Variants in OPALIN observed in about 807,000 individuals in gnomAD.
OPALIN encodes transmembrane protein 10.
In OPALIN, 15 loss-of-function variants were observed where a neutral mutation model predicts 17.8. The ratio of observed to expected loss-of-function variants is 0.84; its 90% CI spans 0.56 to 1.29. The LOEUF is 1.29. Ranked by LOEUF, OPALIN falls within the 50% of genes most tolerant of loss-of-function variation. The pLI is 0.00. For missense variants in OPALIN, 170 were observed against 176.0 expected, an observed-to-expected ratio of 0.97 and a Z score of 0.19; for synonymous variants, 62 against 63.8, an observed-to-expected ratio of 0.97 and a Z score of 0.14.
At chr10:96,352,473 AAAG>A (rs1328833273) in intron 2 of OPALIN, among the ~76,000 whole-genome samples, 7 of 152,074 alleles carry the variant, frequency 4.6e-5, no homozygotes, top group Non-Finnish European at 1.0e-4. Context: ...GCTCCCATCA[AAAG>A]AAGGTTTTGA....
At chr10:96,353,528 T>C in intron 2 of OPALIN, 3 of 1,057,542 alleles carry the variant, frequency 2.8e-6, no homozygotes, top group Non-Finnish European at 4.5e-6. Context: ...GGTTGGTTGC[T>C]CTACACGGGA....
chr10:96,353,705 T>C (rs1273504074), intron 2 of OPALIN, among the ~76,000 whole-genome samples: 1 of 152,128 alleles, frequency 6.6e-6, no homozygotes, highest in African/African-American at 2.4e-5. Context: ...TGGGCCAAGA[T>C]AACACAGAAC....
intron 1 of OPALIN, among the ~76,000 whole-genome samples, chr10:96,355,987 C>G: frequency 6.6e-6 from 1 of 152,254 alleles, no homozygotes; most frequent in South Asian, 2.1e-4. Flanking sequence ...CCTTTCTCCT[C>G]CCTGTCCCTA....
chr10:96,353,641 C>T (rs536213041), intron 2 of OPALIN, among the ~76,000 whole-genome samples: 46 of 152,314 alleles, frequency 3.0e-4, no homozygotes, highest in African/African-American at 1.0e-3. Flanking sequence ...CCACCCCATT[C>T]ACCCCCACTC....
intron 5 of OPALIN, among the ~76,000 whole-genome samples, chr10:96,347,241 C>A (rs1845372339): frequency 6.6e-6 from 1 of 151,740 alleles, no homozygotes; most frequent in Admixed American, 6.6e-5. Flanking sequence ...ATTACAGGCA[C>A]CTGCCACCAC....
At chr10:96,352,668 G>C (rs1441189455) in intron 2 of OPALIN, among the ~76,000 whole-genome samples, 1 of 148,874 alleles carries the variant, frequency 6.7e-6, no homozygotes, top group Admixed American at 6.7e-5. Context: ...AATACACTTA[G>C]GGTGGCTTTC....
chr10:96,349,766 G>C lies in OPALIN; in HGVS notation c.133C>G (p.Leu45Val). ...GIPLLVATAL[L>V]VALLFTLIHR... ...ATCAAAGTAAATAGTAAAGCCACCA[G>C]CAGGGCTGTGGCCACCAGCAATGGT... is the stretch of plus-strand genomic sequence containing the variant. Residue 45 changes from leucine (L) to valine (V), a missense_variant, in exon 4 of 6, where the codon CTG becomes GTG. By Grantham distance (32) the Leu-to-Val change is conservative. Transcript: ENST00000371172. 1.2e-6 allele frequency: 2 copies of C among 1,613,750 alleles called. No individual in the cohort carries two copies. The highest frequency in any genetic ancestry group is 1.1e-5 in the South Asian group (1 of 91,050).
At chr10:96,346,881 C>T (rs1589383883) in intron 5 of OPALIN, among the ~76,000 whole-genome samples, 2 of 152,090 alleles carry the variant, frequency 1.3e-5, no homozygotes, top group African/African-American at 4.8e-5. Flanking sequence ...AGATTTATTC[C>T]ATAGCATTCT....
chr10:96,347,757 G>A (rs1200223874), intron 5 of OPALIN, among the ~76,000 whole-genome samples: 1 of 152,218 alleles, frequency 6.6e-6, no homozygotes, highest in African/African-American at 2.4e-5. Flanking sequence ...ACAGGCGTGA[G>A]CCACTGCACC....
At chr10:96,355,587 A>G (rs978701932) in intron 1 of OPALIN, among the ~76,000 whole-genome samples, 12 of 152,240 alleles carry the variant, frequency 7.9e-5, no homozygotes, top group African/African-American at 2.9e-4. Flanking sequence ...CCCATTCACA[A>G]GGGCAGCAAA....
At chr10:96,355,227 C>T (rs1845769117) in intron 2 of OPALIN, 28 bp downstream of exon 2, 2 of 1,593,008 alleles carry the variant, frequency 1.3e-6, no homozygotes, top group African/African-American at 1.4e-5. Flanking sequence ...CTCTGCGTTG[C>T]CTGGTGAATG....
intron 1 of OPALIN, 127 bp from the exon 2 acceptor site, chr10:96,355,417 A>G (rs1845778963): frequency 1.3e-6 from 1 of 765,210 alleles, no homozygotes; most frequent in Admixed American, 2.2e-5. Flanking sequence ...GCCAGCCCCC[A>G]TCGTCCTGCA....
At chr10:96,347,438 T>G (rs1483813720) in intron 5 of OPALIN, among the ~76,000 whole-genome samples, 1 of 151,878 alleles carries the variant, frequency 6.6e-6, no homozygotes, top group Non-Finnish European at 1.5e-5. Context: ...CTGCAAATAA[T>G]GACAATTTTG....
At chr10:96,355,218 T>C in intron 2 of OPALIN, 37 bp downstream of exon 2, 2 of 1,592,084 alleles carry the variant, frequency 1.3e-6, no homozygotes, top group Non-Finnish European at 1.7e-6. Context: ...ACTGGTCTTC[T>C]CTGCGTTGCC....
chr10:96,358,370 T>A (rs1009475225), intron 1 of OPALIN, among the ~76,000 whole-genome samples: 2 of 152,190 alleles, frequency 1.3e-5, no homozygotes. Flanking sequence ...TATATACATA[T>A]AAACCACAGT....
chr10:96,352,271 T>C (rs1845617166), intron 2 of OPALIN, among the ~76,000 whole-genome samples: 1 of 152,122 alleles, frequency 6.6e-6, no homozygotes, highest in South Asian at 2.1e-4. Flanking sequence ...TATTTAATAC[T>C]CTCAGCAATC....
At position 96,345,873 on chromosome 10, in the gene OPALIN, C is replaced by G; in HGVS notation, c.*68G>C. 1.3e-6 allele frequency: 2 copies of G among 1,493,306 alleles called. No homozygotes were observed. Among genetic ancestry groups the G allele is most frequent in the Non-Finnish European group, 1.8e-6 (2 of 1,094,640 alleles). The allele number at this position is 1,493,306 out of a possible 1,614,324, so 92.5% of individuals were successfully genotyped here. A position where few individuals can be genotyped will look rare whatever the true frequency, so the allele number is the denominator to read the frequency against. On this transcript the variant is annotated 3_prime_UTR_variant, in exon 6 of 6. Coordinates refer to ENST00000371172, the MANE Select transcript of OPALIN (RefSeq NM_033207.5). ...GAAGCAGCTTGGCATCTTTCCTCTCCAAGTACAAAACCCTGGGTTTTCAAC... is the reference window on the plus strand; with the variant it reads ...GAAGCAGCTTGGCATCTTTCCTCTCGAAGTACAAAACCCTGGGTTTTCAAC...
At chr10:96,358,672 T>A (rs1314210801) in intron 1 of OPALIN, among the ~76,000 whole-genome samples, 1 of 152,218 alleles carries the variant, frequency 6.6e-6, no homozygotes, top group Non-Finnish European at 1.5e-5. Context: ...ATCTACTCTG[T>A]ACTCTTGTAT....
At chr10:96,346,518 G>A (rs1017327355) in intron 5 of OPALIN, among the ~76,000 whole-genome samples, 7 of 151,972 alleles carry the variant, frequency 4.6e-5, no homozygotes, top group Non-Finnish European at 7.4e-5. Flanking sequence ...CTGTTAATTC[G>A]GGTATCTAGA....
Sources: allele counts gnomAD v4.1 joint callset (sites outside exome capture counted in the v4.1 genomes callset), GRCh38; gene constraint gnomAD v4.1.1; transcripts MANE v1.5; gene names NCBI Gene and HGNC (gene_info 2026-07-23, HGNC 2026-07-21).